Variants in MDGA2 observed in about 807,000 individuals in gnomAD.
The protein encoded by MDGA2 is MAM domain-containing glycosylphosphatidylinositol anchor protein 2.
A neutral mutation model predicts 117.8 loss-of-function variants in MDGA2; 40 were observed. The observed-to-expected ratio is 0.34, with a 90% CI of 0.26 to 0.44. The LOEUF (loss-of-function observed/expected upper bound fraction) is 0.44. Among genes scored for constraint, MDGA2 ranks in the 20% least tolerant of loss-of-function variants. MDGA2 has a pLI of 1.00. For synonymous variants in MDGA2, 452 were observed against 439.0 expected, an observed-to-expected ratio of 1.03 and a Z score of -0.37; for missense variants, 1,123 against 1,250.6, an observed-to-expected ratio of 0.90 and a Z score of 1.54.
chr14:47,073,417 A>C (rs1890366248), intron 6 of MDGA2, among the ~76,000 whole-genome samples: 1 of 152,170 alleles, frequency 6.6e-6, no homozygotes, highest in Non-Finnish European at 1.5e-5. Flanking sequence ...AAATGGTAGT[A>C]ATTATGAAGC....
At chr14:47,105,615 A>T (rs1880614320) in intron 5 of MDGA2, among the ~76,000 whole-genome samples, 1 of 151,924 alleles carries the variant, frequency 6.6e-6, no homozygotes, top group Non-Finnish European at 1.5e-5. Context: ...GAATTTTTCC[A>T]TCCTGCAAAA....
intron 1 of MDGA2, among the ~76,000 whole-genome samples, chr14:47,416,422 C>G (rs1339774625): frequency 6.6e-6 from 1 of 152,208 alleles, no homozygotes; most frequent in Non-Finnish European, 1.5e-5. Flanking sequence ...AGGAGAACCT[C>G]CAACATTGCT....
chr14:47,631,783 C>T (rs1253222862), intron 1 of MDGA2, among the ~76,000 whole-genome samples: 1 of 152,080 alleles, frequency 6.6e-6, no homozygotes, highest in African/African-American at 2.4e-5. Flanking sequence ...GTCTTGCACA[C>T]ATTGATGCAA....
At position 47,296,742 on chromosome 14, in the gene MDGA2, G is replaced by T. The variant is rs561950191; in HGVS notation, c.420+4669C>A. ...GCAATGCTACCATACATTTCACAAA[G>T]ATGTACATACAGGCAACACAAACAT... On this transcript the variant is annotated intron_variant, in intron 2 of 16. Coordinates refer to ENST00000399232, the MANE Select transcript of MDGA2 (RefSeq NM_001113498.3). Among the ~76,000 whole-genome samples, 26 of 152,258 alleles carry T rather than the reference G, an allele frequency of 1.7e-4. No individual in the cohort carries two copies. The South Asian group carries it at 4.8e-3, about 28-fold the overall frequency.
chr14:47,080,993 C>A (rs929722664), intron 6 of MDGA2, among the ~76,000 whole-genome samples: 1 of 152,130 alleles, frequency 6.6e-6, no homozygotes, highest in African/African-American at 2.4e-5. Context: ...ATACTAGTTA[C>A]TTCCACGATC....
chr14:47,638,294 G>A (rs1393743614), intron 1 of MDGA2, among the ~76,000 whole-genome samples: 1 of 152,132 alleles, frequency 6.6e-6, no homozygotes, highest in Non-Finnish European at 1.5e-5. Context: ...AGAGAATTCA[G>A]GGGAAGATAA....
chr14:47,518,060 G>A (rs1894792054), intron 1 of MDGA2, among the ~76,000 whole-genome samples: 1 of 152,062 alleles, frequency 6.6e-6, no homozygotes, highest in East Asian at 1.9e-4. Flanking sequence ...TTATATTGTA[G>A]GTGACTGGAG....
intron 2 of MDGA2, among the ~76,000 whole-genome samples, chr14:47,221,027 G>C (rs1192148564): frequency 6.6e-6 from 1 of 152,210 alleles, no homozygotes; most frequent in East Asian, 1.9e-4. Context: ...ATATAGAAAA[G>C]CATATTGTGG....
chr14:47,000,377 T>TATATATATATATTTATG (rs1566567792), intron 8 of MDGA2, among the ~76,000 whole-genome samples: 1 of 100,026 alleles, frequency 1.0e-5, no homozygotes, highest in Admixed American at 1.3e-4. Flanking sequence ...ATATATATAT[T>TATATATATATATTTATG]TATATATATA....
chr14:47,127,419 A>C (rs1436000520), intron 5 of MDGA2, among the ~76,000 whole-genome samples: 2 of 152,148 alleles, frequency 1.3e-5, no homozygotes, highest in African/African-American at 4.8e-5. Context: ...CACCTATTTG[A>C]AATTCACAAA....
intron 5 of MDGA2, among the ~76,000 whole-genome samples, chr14:47,123,593 C>A (rs1881756511): frequency 6.6e-6 from 1 of 151,964 alleles, no homozygotes; most frequent in Non-Finnish European, 1.5e-5. Context: ...AAACCATTAT[C>A]AATTTCATAA....
chr14:47,197,669 G>C (rs911292143), intron 3 of MDGA2, among the ~76,000 whole-genome samples: 19 of 152,142 alleles, frequency 1.2e-4, no homozygotes, highest in East Asian at 1.9e-4. Context: ...TCAGCACTTT[G>C]AGAGGCCAAG....
chr14:46,999,044 A>C (rs936836462), intron 8 of MDGA2, among the ~76,000 whole-genome samples: 4 of 152,134 alleles, frequency 2.6e-5, no homozygotes, highest in African/African-American at 9.6e-5. Flanking sequence ...GGAATACAGT[A>C]GATGAAAAAT....
At chr14:47,173,661 G>A (rs1386590248) in intron 3 of MDGA2, among the ~76,000 whole-genome samples, 1 of 152,100 alleles carries the variant, frequency 6.6e-6, no homozygotes, top group East Asian at 1.9e-4. Context: ...ACTAAACATG[G>A]AAAGGCACAA....
intron 1 of MDGA2, among the ~76,000 whole-genome samples, chr14:47,420,846 T>TAATAAA (rs1892563828): frequency 6.6e-6 from 1 of 151,488 alleles, no homozygotes; most frequent in Non-Finnish European, 1.5e-5. Flanking sequence ...ATAATAATAA[T>TAATAAA]AAAGCATCGT....
At chr14:46,850,999 A>G (rs1329404078) in intron 15 of MDGA2, among the ~76,000 whole-genome samples, 1 of 151,846 alleles carries the variant, frequency 6.6e-6, no homozygotes, top group Non-Finnish European at 1.5e-5. Flanking sequence ...TAATGAGGAC[A>G]ATATTTTCTA....
At chr14:47,198,808 T>G (rs914188494) in intron 3 of MDGA2, among the ~76,000 whole-genome samples, 2 of 152,222 alleles carry the variant, frequency 1.3e-5, no homozygotes, top group African/African-American at 2.4e-5. Flanking sequence ...TAATTTTATG[T>G]GTCAACTTGC....
intron 8 of MDGA2, among the ~76,000 whole-genome samples, chr14:46,958,740 A>T (rs1461958097): frequency 6.6e-6 from 1 of 152,242 alleles, no homozygotes; most frequent in Non-Finnish European, 1.5e-5. Context: ...CTTCATTTCC[A>T]AACATATGGG....
At chr14:47,483,279 T>G (rs1353984730) in intron 1 of MDGA2, among the ~76,000 whole-genome samples, 1 of 152,102 alleles carries the variant, frequency 6.6e-6, no homozygotes, top group African/African-American at 2.4e-5. Context: ...ATTTCAGATA[T>G]TCCATATTGT....
Sources: allele counts gnomAD v4.1 joint callset (sites outside exome capture counted in the v4.1 genomes callset), GRCh38; gene constraint gnomAD v4.1.1; transcripts MANE v1.5; gene names NCBI Gene and HGNC (gene_info 2026-07-23, HGNC 2026-07-21).